TENT5C: variants seen among roughly 807,000 people sequenced by gnomAD.
TENT5C encodes the protein family with sequence similarity 46 member C.
In TENT5C, 5 loss-of-function variants were observed where a neutral mutation model predicts 22.2. The ratio of observed to expected loss-of-function variants is 0.22; its 90% CI spans 0.12 to 0.47. The LOEUF is 0.47. Ranked by LOEUF, TENT5C falls within the 20% of genes least tolerant of loss-of-function variation. The probability of loss-of-function intolerance (pLI) is 0.99; values close to 1 mark genes in which losing one functional copy is unlikely to be tolerated. For synonymous variants in TENT5C, 199 were observed against 195.4 expected (o/e 1.02, Z -0.15); for missense variants, 364 against 500.9 (o/e 0.73, Z 2.61).
rs1157093203 is a variant in TENT5C at position 117,623,870 on chromosome 1, C to T, written c.1002C>T (p.Ser334=). Residue 334 remains serine (S), a synonymous_variant, in exon 2 of 2, where the codon TCC becomes TCT. Coordinates refer to ENST00000369448, the MANE Select transcript of TENT5C (RefSeq NM_017709.4). ...HERRQTLNLI[S]LLALRVLAEQ... is the part of the protein sequence containing the mutation. Reference sequence around the variant, plus strand: ...GCAGGCAGACTCTGAACCTCATCTCCCTCCTGGCCTTGCGTGTGCTGGCGG... The same window carrying T: ...GCAGGCAGACTCTGAACCTCATCTCTCTCCTGGCCTTGCGTGTGCTGGCGG... The T allele has an allele frequency of 6.8e-6, 11 of 1,614,058 alleles. No individual in the cohort carries two copies. The Admixed American group carries it at 1.8e-4, about 27-fold the overall frequency.
intron 1 of TENT5C, among the ~76,000 whole-genome samples, chr1:117,616,792 A>C (rs576441874): frequency 6.6e-6 from 1 of 152,252 alleles, no homozygotes; most frequent in African/African-American, 2.4e-5. Context: ...GGTAACACTT[A>C]GTTGCCTCTG....
In TENT5C at chr1:117,623,800, G is replaced by T; in HGVS notation, c.932G>T (p.Arg311Leu). The T allele has an allele frequency of 1.2e-6, 2 of 1,614,126 alleles. No homozygotes were observed. Among genetic ancestry groups the T allele is most frequent in the Non-Finnish European group, 1.7e-6 (2 of 1,180,038 alleles). The change falls in exon 2 of 2, where the codon CGC (arginine) becomes CTC (leucine). Residue 311 changes from arginine (R) to leucine (L), a missense_variant. Physicochemically the swap from Arg to Leu is moderately radical, Grantham distance 102 (BLOSUM62 -2). This residue lies in a region of TENT5C where 303 missense variants were observed against 394.5 expected (regional missense o/e 0.77). Coordinates refer to ENST00000369448, the MANE Select transcript of TENT5C (RefSeq NM_017709.4). ...AAGTACGACTACCTCATGATCCTTCGCAGGGTGGTGAACGAGAGCACCGTG... is the reference window on the plus strand; with the variant it reads ...AAGTACGACTACCTCATGATCCTTCTCAGGGTGGTGAACGAGAGCACCGTG... ...RSKYDYLMIL[R>L]RVVNESTVCL...
At chr1:117,607,676 G>C (rs1012624127) in intron 1 of TENT5C, among the ~76,000 whole-genome samples, 5 of 152,224 alleles carry the variant, frequency 3.3e-5, no homozygotes, top group Admixed American at 3.3e-4. Flanking sequence ...CAGGAAGTAA[G>C]TTGGGCAGCC....
At chr1:117,607,958 G>C (rs1653577852) in intron 1 of TENT5C, among the ~76,000 whole-genome samples, 1 of 152,002 alleles carries the variant, frequency 6.6e-6, no homozygotes, top group South Asian at 2.1e-4. Context: ...TTTCTCTTAA[G>C]GTATACCCAT....
chr1:117,612,010 A>G (rs1409681916), intron 1 of TENT5C, among the ~76,000 whole-genome samples: 3 of 152,214 alleles, frequency 2.0e-5, no homozygotes, highest in African/African-American at 4.8e-5. Flanking sequence ...TTACAGCGGT[A>G]CCTACTGTAT....
At chr1:117,607,734 C>T (rs998261490) in intron 1 of TENT5C, among the ~76,000 whole-genome samples, 1 of 152,064 alleles carries the variant, frequency 6.6e-6, no homozygotes, top group African/African-American at 2.4e-5. Flanking sequence ...TCTTAAATCC[C>T]CAAGGGTATT....
intron 1 of TENT5C, among the ~76,000 whole-genome samples, chr1:117,617,109 C>T (rs760791119): frequency 6.6e-6 from 1 of 152,222 alleles, no homozygotes; most frequent in Non-Finnish European, 1.5e-5. Flanking sequence ...CTCCCGCTCG[C>T]CCACCTTGGG....
chr1:117,616,531 C>G (rs1353867906), intron 1 of TENT5C, among the ~76,000 whole-genome samples: 2 of 152,174 alleles, frequency 1.3e-5, no homozygotes, highest in African/African-American at 4.8e-5. Flanking sequence ...GTGCACGGGT[C>G]CCCTGTTGGC....
chr1:117,614,591 T>C (rs1053420826), intron 1 of TENT5C, among the ~76,000 whole-genome samples: 4 of 152,142 alleles, frequency 2.6e-5, no homozygotes, highest in Non-Finnish European at 5.9e-5. Flanking sequence ...GTAGCTCCAG[T>C]TGGGTTATTG....
At chr1:117,614,641 T>C (rs1306509885) in intron 1 of TENT5C, among the ~76,000 whole-genome samples, 2 of 152,214 alleles carry the variant, frequency 1.3e-5, no homozygotes, top group Non-Finnish European at 2.9e-5. Flanking sequence ...CGACTGTAGC[T>C]AGTGTCCTGT....
chr1:117,624,220 G>A lies in TENT5C; in HGVS notation c.*176G>A. 1 of 596,830 alleles carries A rather than the reference G, an allele frequency of 1.7e-6. No individual in the cohort carries two copies. Among genetic ancestry groups the A allele is most frequent in the Non-Finnish European group, 2.9e-6 (1 of 343,798 alleles). The allele number at this position is 596,830 out of a possible 1,614,324, so 37.0% of individuals were successfully genotyped here. On this transcript the variant is annotated 3_prime_UTR_variant, in exon 2 of 2. Transcript: ENST00000369448. ...TTGGAATGGGTCTACAGTGTATCAT[G>A]AGCCAACCCTCAAAGGACCCGTATT...
At chr1:117,612,265 C>CA (rs1178553498) in intron 1 of TENT5C, among the ~76,000 whole-genome samples, 1 of 151,366 alleles carries the variant, frequency 6.6e-6, no homozygotes, top group Non-Finnish European at 1.5e-5. Flanking sequence ...CAGTTATGGC[C>CA]AACTTACTGA....
In TENT5C at chr1:117,627,256, T is replaced by C. The variant is rs1279513542; in HGVS notation, c.*3212T>C. 4.0e-6 allele frequency: 1 copy of C among 248,092 alleles called. No individual in the cohort carries two copies. The highest frequency in any genetic ancestry group is 8.5e-6 in the Non-Finnish European group (1 of 118,146). 15.4% of individuals were successfully genotyped at this position (248,092 alleles called of 1,614,324 possible). On this transcript the variant is annotated 3_prime_UTR_variant, in exon 2 of 2. Transcript: ENST00000369448. The stretch of plus-strand genomic sequence containing the variant: ...GCAAGCTGTGTATGAACTTGTGTTT[T>C]GTGGTGACACATTAATAATCAAATT...
At chr1:117,620,482 C>T (rs184471108) in intron 1 of TENT5C, among the ~76,000 whole-genome samples, 25 of 152,262 alleles carry the variant, frequency 1.6e-4, no homozygotes, top group Non-Finnish European at 3.1e-4. Context: ...ATCTATAAAA[C>T]CCATGCCACC....
chr1:117,609,917 A>T (rs562474490), intron 1 of TENT5C, among the ~76,000 whole-genome samples: 12 of 152,256 alleles, frequency 7.9e-5, no homozygotes, highest in Non-Finnish European at 7.4e-5. Context: ...AGTAGAGGCC[A>T]CAGGGGTATA....
chr1:117,623,972 C>T lies in TENT5C; in HGVS notation c.1104C>T (p.Phe368=). 6.2e-7 allele frequency: 1 copy of T among 1,614,060 alleles called. No homozygotes were observed. Among genetic ancestry groups the T allele is most frequent in the African/African-American group, 1.3e-5 (1 of 75,012 alleles). The change falls in exon 2 of 2, where the codon TTC becomes TTT. Residue 368 remains phenylalanine (F), a synonymous_variant. Coordinates refer to ENST00000369448, the MANE Select transcript of TENT5C (RefSeq NM_017709.4). ...QPAPYVSDGN[F]SNYYVAHPPV... ...CCCCTTACGTCAGTGATGGCAACTT[C>T]AGCAACTACTACGTTGCCCATCCTC...
At chr1:117,619,920 T>C (rs1653858766) in intron 1 of TENT5C, among the ~76,000 whole-genome samples, 2 of 152,360 alleles carry the variant, frequency 1.3e-5, no homozygotes, top group South Asian at 4.1e-4. Context: ...GGTTTTGTGA[T>C]ATCTGTTACA....
intron 1 of TENT5C, among the ~76,000 whole-genome samples, chr1:117,610,123 T>C (rs1394482941): frequency 6.6e-6 from 1 of 152,136 alleles, no homozygotes; most frequent in Non-Finnish European, 1.5e-5. Context: ...TCTTTTTTAT[T>C]GTTTCCCACT....
intron 1 of TENT5C, among the ~76,000 whole-genome samples, chr1:117,614,925 T>G (rs1653749955): frequency 6.6e-6 from 1 of 152,176 alleles, no homozygotes; most frequent in Admixed American, 6.5e-5. Context: ...AGCAAGCATC[T>G]TGGAGCTCCC....
Sources: gnomAD v4.1 joint callset for allele counts (sites outside exome capture counted in the v4.1 genomes callset) on GRCh38, gnomAD v4.1.1 for gene constraint, gnomAD v4.1.1 regional missense constraint, MANE v1.5 for transcripts, NCBI Gene and HGNC (gene_info 2026-07-23, HGNC 2026-07-21) for gene names.